Variants in C3orf52 observed in about 807,000 individuals in gnomAD.
C3orf52 encodes the protein chromosome 3 open reading frame 52.
C3orf52 carries 22 observed loss-of-function variants against 24.8 expected under a neutral mutation model. The observed-to-expected ratio is 0.89, with a 90% CI of 0.63 to 1.27. The LOEUF is 1.27. Among genes scored for constraint, C3orf52 ranks in the 50% most tolerant of loss-of-function variants. C3orf52 has a pLI of 0.00. For synonymous variants in C3orf52, 93 were observed against 100.2 expected, an observed-to-expected ratio of 0.93 and a Z score of 0.43; for missense variants, 265 against 260.7, an observed-to-expected ratio of 1.02 and a Z score of -0.11.
Position 112,117,050 on chromosome 3 carries a change from C to A in C3orf52, c.*404C>A. On this transcript the variant is annotated 3_prime_UTR_variant, in exon 6 of 6. Coordinates refer to ENST00000264848, the MANE Select transcript of C3orf52 (RefSeq NM_024616.3). ...ACTGCTATTCTTGAAGCACTCCACC[C>A]ACCTGGGCTACTTTTTCTTTAGTGC... 1 of 861,210 alleles carries A rather than the reference C, an allele frequency of 1.2e-6. No homozygotes were observed. Among genetic ancestry groups the A allele is most frequent in the Non-Finnish European group, 1.8e-6 (1 of 568,832 alleles). 53.3% of individuals were successfully genotyped at this position (861,210 alleles called of 1,614,324 possible).
chr3:112,111,793 G>A (rs2074085421), intron 4 of C3orf52: 1 of 151,748 alleles, frequency 6.6e-6, no homozygotes, highest in South Asian at 2.1e-4. Flanking sequence ...TAGCTGGATT[G>A]CAGTTTGAAA....
exon 5 of C3orf52, chr3:112,128,571 T>C (rs2074382565): frequency 4.0e-6 from 1 of 248,078 alleles, no homozygotes; most frequent in South Asian, 5.2e-5. Flanking sequence ...TTCATCGTGG[T>C]ATGTATTTCC....
At position 112,103,407 on chromosome 3, in the gene C3orf52, A is replaced by G. The variant is rs145671662; in HGVS notation, c.396+442A>G. On this transcript the variant is annotated intron_variant, in intron 3 of 5. Coordinates refer to ENST00000264848, the MANE Select transcript of C3orf52 (RefSeq NM_024616.3). ...AAAAATAAGTAAATATCTTTACTGT[A>G]GTGCAAAGCCAGAGGGAAGATTCCT... Among the ~76,000 whole-genome samples the G allele has an allele frequency of 8.5e-4, 130 of 152,360 alleles. 1 individual carries two copies. The East Asian group carries it at 0.024, about 28-fold the overall frequency.
chr3:112,098,612 C>T (rs2073946124), intron 2 of C3orf52, among the ~76,000 whole-genome samples: 1 of 152,142 alleles, frequency 6.6e-6, no homozygotes, highest in South Asian at 2.1e-4. Context: ...CTATTTTAGT[C>T]TGCTTGGGCT....
downstream of C3orf52, chr3:112,130,692 C>T: frequency 1.6e-6 from 1 of 620,862 alleles, no homozygotes; most frequent in Admixed American, 2.4e-5. Context: ...TACCTTTGAT[C>T]TGACATGCTC....
chr3:112,090,568 G>A (rs2073868351), intron 1 of C3orf52, among the ~76,000 whole-genome samples: 1 of 152,196 alleles, frequency 6.6e-6, no homozygotes, highest in African/African-American at 2.4e-5. Flanking sequence ...TCTTAGAGCT[G>A]AGGACAGGTC....
At chr3:112,100,421 CCTGA>C (rs1167018216) in intron 2 of C3orf52, among the ~76,000 whole-genome samples, 17 of 152,346 alleles carry the variant, frequency 1.1e-4, no homozygotes, top group African/African-American at 3.6e-4. Flanking sequence ...TAAAAACTCT[CCTGA>C]CTGAGTAAGC....
Position 112,117,719 on chromosome 3 carries a change from T to C in C3orf52, c.*1073T>C, listed in dbSNP as rs11824. 0.53 allele frequency: 80,504 copies of C among 152,036 alleles called. 23,117 individuals carry two copies. Among genetic ancestry groups the C allele is most frequent in the East Asian group, 0.75 (3,868 of 5,174 alleles). 9.4% of individuals were successfully genotyped at this position (152,036 alleles called of 1,614,324 possible). A position where few individuals can be genotyped will look rare whatever the true frequency, so the allele number is the denominator to read the frequency against. ...ACTCTTGGAAGCTTTTGCCAGCTAT[T>C]TGGGGGGTAGGAGGAATATTAGCAA... On this transcript the variant is annotated 3_prime_UTR_variant, in exon 6 of 6. Coordinates refer to ENST00000264848, the MANE Select transcript of C3orf52 (RefSeq NM_024616.3).
In C3orf52 at chr3:112,127,951, T is replaced by A. The variant is rs1338040164; in HGVS notation, c.*47-282T>A. On this transcript the variant is annotated intron_variant, in intron 4 of 4. Coordinates refer to the C3orf52 transcript ENST00000480282. ...GTGGCCACAGACAGTCACAGGTAAC[T>A]TACAGCAAATACCACATTGAAACCA... The A allele has an allele frequency of 1.2e-5, 17 of 1,401,332 alleles. No individual in the cohort carries two copies. In the East Asian group the frequency reaches 3.9e-4, roughly 32 times the overall value. The allele number at this position is 1,401,332 out of a possible 1,614,324, so 86.8% of individuals were successfully genotyped here. A position where few individuals can be genotyped will look rare whatever the true frequency, so the allele number is the denominator to read the frequency against.
At chr3:112,130,426 TG>T (rs968225840), downstream of C3orf52, 1 of 1,608,588 alleles carries the variant, frequency 6.2e-7, no homozygotes, top group African/African-American at 1.3e-5. Context: ...GGGGGGTGTT[TG>T]GTTGATTTTG....
chr3:112,112,852 T>G, intron 4 of C3orf52, 112 bp from the exon 5 acceptor site: 1 of 830,044 alleles, frequency 1.2e-6, no homozygotes, highest in Non-Finnish European at 2.1e-6. Flanking sequence ...CTTTGCTATT[T>G]TGTACTGGAA....
At chr3:112,123,521 G>C in intron 4 of C3orf52, 2 of 1,614,194 alleles carry the variant, frequency 1.2e-6, no homozygotes, top group Non-Finnish European at 1.7e-6. Context: ...GAAAGTGAGA[G>C]GAGATTCTGT....
At chr3:112,118,776 A>G (rs2074162538), downstream of C3orf52, among the ~76,000 whole-genome samples, 2 of 152,216 alleles carry the variant, frequency 1.3e-5, no homozygotes, top group Non-Finnish European at 2.9e-5. Context: ...TGAGGTTTTA[A>G]TAATTGAAGG....
chr3:112,107,258 A>G (rs142327192), intron 3 of C3orf52, among the ~76,000 whole-genome samples: 24 of 152,350 alleles, frequency 1.6e-4, no homozygotes, highest in African/African-American at 5.8e-4. Flanking sequence ...GGAAGGATAA[A>G]TATCACCTTT....
chr3:112,093,611 C>G (rs1353267539), intron 2 of C3orf52, 122 bp downstream of exon 2: 1 of 971,736 alleles, frequency 1.0e-6, no homozygotes. Flanking sequence ...AATTTAAGAC[C>G]GGCTTGGAAT....
intron 4 of C3orf52, among the ~76,000 whole-genome samples, chr3:112,125,595 GC>G (rs2074299185): frequency 6.6e-6 from 1 of 152,164 alleles, no homozygotes; most frequent in Admixed American, 6.5e-5. Context: ...CAAATTCAGT[GC>G]CTCTGCACCA....
At chr3:112,086,598 G>A in intron 1 of C3orf52, 53 bp downstream of exon 1, 1 of 1,519,448 alleles carries the variant, frequency 6.6e-7, no homozygotes, top group Non-Finnish European at 8.9e-7. Context: ...ACAGTAGTAG[G>A]ACCCGGGCCT....
chr3:112,125,106 T>G (rs1323684550), intron 4 of C3orf52: 1 of 731,780 alleles, frequency 1.4e-6, no homozygotes, highest in African/African-American at 1.8e-5. Context: ...AGCACTGACA[T>G]CTAAAGTCTT....
chr3:112,112,324 G>T (rs1310394369), intron 4 of C3orf52: 1 of 152,806 alleles, frequency 6.5e-6, no homozygotes, highest in East Asian at 1.9e-4. Context: ...ACAGGGCTTG[G>T]TTATCTTGCC....
Sources: allele counts gnomAD v4.1 joint callset (sites outside exome capture counted in the v4.1 genomes callset), GRCh38; gene constraint gnomAD v4.1.1; transcripts MANE v1.5; gene names NCBI Gene and HGNC (gene_info 2026-07-23, HGNC 2026-07-21).